The following HPSE2 variants were observed in gnomAD, a reference collection of about 807,000 sequenced individuals.
HPSE2 encodes heparanase 2 (inactive).
A neutral mutation model predicts 60.5 loss-of-function variants in HPSE2; 38 were observed. The observed-to-expected ratio is 0.63, with a 90% CI of 0.48 to 0.82. The LOEUF (loss-of-function observed/expected upper bound fraction) is 0.82. Ranked by LOEUF, HPSE2 falls within the 40% of genes least tolerant of loss-of-function variation. The pLI is 0.00. For synonymous variants in HPSE2, 295 were observed against 293.2 expected, an observed-to-expected ratio of 1.01 and a Z score of -0.06; for missense variants, 713 against 740.4, an observed-to-expected ratio of 0.96 and a Z score of 0.43.
intron 3 of HPSE2, among the ~76,000 whole-genome samples, chr10:98,757,012 C>A (rs1304838422): frequency 6.6e-6 from 1 of 152,092 alleles, no homozygotes; most frequent in Non-Finnish European, 1.5e-5. Context: ...TCCTGGGATG[C>A]AACATTGCAT....
chr10:98,618,213 G>A (rs1945973467), intron 8 of HPSE2, among the ~76,000 whole-genome samples: 1 of 152,122 alleles, frequency 6.6e-6, no homozygotes. Flanking sequence ...CTAAGCATTG[G>A]ATATCTGAAT....
intron 3 of HPSE2, among the ~76,000 whole-genome samples, chr10:99,086,813 A>G (rs1843337095): frequency 6.6e-6 from 1 of 152,206 alleles, no homozygotes. Flanking sequence ...ATGCCAAATA[A>G]AAGCATAAAA....
Position 98,512,371 on chromosome 10 carries a change from G to A in HPSE2, c.1321-22175C>T, listed in dbSNP as rs558157269. Among the ~76,000 whole-genome samples the A allele has an allele frequency of 7.9e-5, 12 of 152,236 alleles. No homozygotes were observed. In the South Asian group the frequency reaches 8.3e-4, roughly 11 times the overall value. ...CCGAGGCGGGCGGATCACGAGGTCC[G>A]GAGATCGAGACCATCCTGGCTAACA... is the stretch of plus-strand genomic sequence containing the variant. On this transcript the variant is annotated intron_variant, in intron 9 of 11. Coordinates refer to ENST00000370552, the MANE Select transcript of HPSE2 (RefSeq NM_021828.5).
At chr10:98,530,518 G>A (rs1943097867) in intron 9 of HPSE2, among the ~76,000 whole-genome samples, 1 of 152,148 alleles carries the variant, frequency 6.6e-6, no homozygotes, top group Admixed American at 6.5e-5. Flanking sequence ...CCATGTACAA[G>A]GGATCTTGAG....
intron 2 of HPSE2, among the ~76,000 whole-genome samples, chr10:99,195,352 A>C (rs193010022): frequency 6.6e-6 from 1 of 152,250 alleles, no homozygotes; most frequent in East Asian, 1.9e-4. Context: ...TAGTACTGGA[A>C]GTTCTAGATA....
chr10:98,709,402 G>C (rs1021893463), intron 5 of HPSE2, among the ~76,000 whole-genome samples: 5 of 152,202 alleles, frequency 3.3e-5, no homozygotes, highest in Non-Finnish European at 2.9e-5. Flanking sequence ...ATACTGACAA[G>C]AGTGGAAGAT....
At chr10:98,889,968 T>C (rs1050090551) in intron 3 of HPSE2, among the ~76,000 whole-genome samples, 3 of 152,154 alleles carry the variant, frequency 2.0e-5, no homozygotes, top group African/African-American at 7.2e-5. Flanking sequence ...TTTGGTAAAA[T>C]ACATCCAGAA....
intron 3 of HPSE2, among the ~76,000 whole-genome samples, chr10:99,108,900 T>C (rs1844350806): frequency 6.6e-6 from 1 of 152,188 alleles, no homozygotes; most frequent in Non-Finnish European, 1.5e-5. Flanking sequence ...ATCCACATAG[T>C]GAAGCCCCTC....
chr10:98,614,864 G>C (rs764752466), intron 9 of HPSE2, 40 bp downstream of exon 9: 1 of 1,320,152 alleles, frequency 7.6e-7, no homozygotes, highest in African/African-American at 1.4e-5. Flanking sequence ...AGAACTGAAT[G>C]ACATGGAAAA....
At chr10:98,716,945 T>C (rs533145954) in intron 5 of HPSE2, among the ~76,000 whole-genome samples, 3 of 152,138 alleles carry the variant, frequency 2.0e-5, no homozygotes, top group Non-Finnish European at 2.9e-5. Context: ...ACATAATTCA[T>C]AGAGACCCTA....
chr10:99,304,262 C>T, the HPSE2 span, among the ~76,000 whole-genome samples: 1 of 152,232 alleles, frequency 6.6e-6, no homozygotes, highest in African/African-American at 2.4e-5. Flanking sequence ...TGCCCCTTTC[C>T]ATGGCAATGA....
At chr10:98,832,411 C>T (rs1951702765) in intron 3 of HPSE2, among the ~76,000 whole-genome samples, 1 of 152,096 alleles carries the variant, frequency 6.6e-6, no homozygotes, top group Non-Finnish European at 1.5e-5. Context: ...TGGTTTCAAT[C>T]GTCAAATAGT....
At chr10:99,031,504 CT>C (rs1957498021) in intron 3 of HPSE2, among the ~76,000 whole-genome samples, 1 of 152,152 alleles carries the variant, frequency 6.6e-6, no homozygotes, top group Admixed American at 6.5e-5. Context: ...GCACAGTCCT[CT>C]CTATGAGATA....
chr10:98,726,242 C>T (rs867089457), intron 4 of HPSE2, among the ~76,000 whole-genome samples: 4 of 152,160 alleles, frequency 2.6e-5, no homozygotes, highest in Admixed American at 6.5e-5. Context: ...ACCCAAATGT[C>T]CAACAATGAT....
intron 3 of HPSE2, among the ~76,000 whole-genome samples, chr10:98,923,884 T>C (rs183436200): frequency 1.3e-5 from 2 of 152,292 alleles, no homozygotes; most frequent in Admixed American, 1.3e-4. Flanking sequence ...TATATATCTA[T>C]CTCTCTGGGA....
chr10:98,667,921 C>A (rs541422902), intron 6 of HPSE2, among the ~76,000 whole-genome samples: 14 of 152,258 alleles, frequency 9.2e-5, no homozygotes, highest in African/African-American at 3.4e-4. Flanking sequence ...TATTGGAAGT[C>A]CCAGCTAGAG....
At chr10:98,551,516 T>A (rs771203761) in intron 9 of HPSE2, among the ~76,000 whole-genome samples, 2 of 152,002 alleles carry the variant, frequency 1.3e-5, no homozygotes, top group African/African-American at 2.4e-5. Context: ...GGGGCAGGAG[T>A]ATGATCCGAA....
rs567814301 is a variant in HPSE2, at chr10:98,458,410, C to A, written c.*1164G>T. 6.6e-6 allele frequency: 1 copy of A among 152,362 alleles called. No individual in the cohort carries two copies. Among genetic ancestry groups the A allele is most frequent in the South Asian group, 2.1e-4 (1 of 4,822 alleles). 9.4% of individuals were successfully genotyped at this position (152,362 alleles called of 1,614,324 possible). On this transcript the variant is annotated 3_prime_UTR_variant, in exon 12 of 12. Coordinates refer to ENST00000370552, the MANE Select transcript of HPSE2 (RefSeq NM_021828.5). Reference sequence around the variant, plus strand: ...ACTTCACACCTGCCCAACTCAGAAGCTTCCTACCTACCATTCCATAGTTTT... The same window carrying A: ...ACTTCACACCTGCCCAACTCAGAAGATTCCTACCTACCATTCCATAGTTTT...
intron 3 of HPSE2, among the ~76,000 whole-genome samples, chr10:98,960,730 T>TTTTTTTTTTTTTTTTTTTG (rs1955647062): frequency 1.2e-4 from 3 of 24,784 alleles, no homozygotes; most frequent in Admixed American, 3.4e-4. Context: ...TGTTTTATTT[T>TTTTTTTTTTTTTTTTTTTG]TTTTATTTTA....
Sources: allele counts gnomAD v4.1 joint callset (sites outside exome capture counted in the v4.1 genomes callset), GRCh38; gene constraint gnomAD v4.1.1; transcripts MANE v1.5; gene names NCBI Gene and HGNC (gene_info 2026-07-23, HGNC 2026-07-21).